NFIC: variants seen among roughly 807,000 people sequenced by gnomAD.
The protein encoded by NFIC is nuclear factor 1 C-type.
NFIC carries 12 observed loss-of-function variants against 54.4 expected under a neutral mutation model. The observed-to-expected ratio is 0.22, with a 90% CI of 0.14 to 0.36. NFIC has a LOEUF of 0.36. Ranked by LOEUF, NFIC falls within the 10% of genes least tolerant of loss-of-function variation. NFIC has a pLI of 1.00. For missense variants in NFIC, 575 were observed against 718.2 expected (o/e 0.80, Z 2.28); for synonymous variants, 322 against 319.2 (o/e 1.01, Z -0.09).
chr19:3,374,397 CCT>C (rs2081071135), intron 1 of NFIC, among the ~76,000 whole-genome samples: 1 of 152,202 alleles, frequency 6.6e-6, no homozygotes, highest in Non-Finnish European at 1.5e-5. Flanking sequence ...GGCAAGCTCC[CCT>C]GTCTCCAGCA....
Position 3,464,106 on chromosome 19 carries a change from A to T in NFIC, c.*1337A>T. 1.0e-6 allele frequency: 1 copy of T among 984,914 alleles called. No homozygotes were observed. The highest frequency in any genetic ancestry group is 1.2e-6 in the Non-Finnish European group (1 of 829,796). The allele number at this position is 984,914 out of a possible 1,614,324, so 61.0% of individuals were successfully genotyped here. On this transcript the variant is annotated 3_prime_UTR_variant, in exon 11 of 11. Transcript: ENST00000443272. ...CACGCCTCCGCTGCCAGTGCCTTAC[A>T]TTCTGGAGCGACCCCCCTCCCTGGT...
chr19:3,381,186 G>A (rs1356625032), intron 1 of NFIC, among the ~76,000 whole-genome samples: 1 of 152,044 alleles, frequency 6.6e-6, no homozygotes, highest in Non-Finnish European at 1.5e-5. Context: ...TCAGAGGTCA[G>A]GAGATCGAGA....
intron 1 of NFIC, among the ~76,000 whole-genome samples, chr19:3,381,367 C>G (rs1216367234): frequency 7.0e-6 from 1 of 142,736 alleles, no homozygotes; most frequent in East Asian, 2.0e-4. Flanking sequence ...TGCACTCCAG[C>G]CTTAGCGTTA....
intron 2 of NFIC, among the ~76,000 whole-genome samples, chr19:3,384,100 G>A (rs1015711689): frequency 1.2e-4 from 18 of 144,546 alleles, no homozygotes; most frequent in African/African-American, 4.6e-4. Flanking sequence ...TGTCACCCAC[G>A]CTGGAGTGCA....
chr19:3,399,071 G>A (rs2081512166), intron 2 of NFIC, among the ~76,000 whole-genome samples: 1 of 152,260 alleles, frequency 6.6e-6, no homozygotes, highest in Admixed American at 6.5e-5. Context: ...GGTGTCACCT[G>A]GTTAAGTCCC....
chr19:3,365,781 C>T (rs1219614242), upstream of NFIC, among the ~76,000 whole-genome samples: 1 of 152,190 alleles, frequency 6.6e-6, no homozygotes, highest in Non-Finnish European at 1.5e-5. Context: ...GAGGCCACCC[C>T]TCCCCTGCCC....
chr19:3,366,687 C>T (rs1326967488), intron 1 of NFIC, 21 bp downstream of exon 1: 1 of 1,384,242 alleles, frequency 7.2e-7, no homozygotes, highest in East Asian at 2.8e-5. Flanking sequence ...CGCCCGGCCC[C>T]CCGCCGGCGC....
chr19:3,396,988 C>T (rs557739228), intron 2 of NFIC, among the ~76,000 whole-genome samples: 1 of 151,964 alleles, frequency 6.6e-6, no homozygotes, highest in South Asian at 2.1e-4. Context: ...CAGTGGCCAT[C>T]ATGATCGGTT....
At chr19:3,455,625 A>G (rs1257828185) in intron 9 of NFIC, among the ~76,000 whole-genome samples, 3 of 144,908 alleles carry the variant, frequency 2.1e-5, no homozygotes, top group South Asian at 2.3e-4. Context: ...TCAGGGCTCG[A>G]TGAGATTATG....
Position 3,458,897 on chromosome 19 carries a change from G to A in NFIC, c.1509+2262G>A, listed in dbSNP as rs2082599312. Reference sequence around the variant, plus strand: ...GAGCATGGGTTAGGGGGAAGGCGAGGTCCCCAAACTGGGCATCCAGGGAGC... The same window carrying A: ...GAGCATGGGTTAGGGGGAAGGCGAGATCCCCAAACTGGGCATCCAGGGAGC... On this transcript the variant is annotated intron_variant, in intron 10 of 10. Transcript: ENST00000443272. The surrounding 1 kb of genome is among the most constrained non-coding windows in gnomAD (Gnocchi z 4.1). Among the ~76,000 whole-genome samples, 1 of 152,086 alleles carries A rather than the reference G, an allele frequency of 6.6e-6. No individual in the cohort carries two copies. The highest frequency in any genetic ancestry group is 6.5e-5 in the Admixed American group (1 of 15,282).
intron 1 of NFIC, among the ~76,000 whole-genome samples, chr19:3,367,236 AG>A (rs1282847698): frequency 2.0e-5 from 3 of 151,558 alleles, no homozygotes; most frequent in Admixed American, 6.6e-5. Context: ...ATGGAGGGGG[AG>A]GGGGCAGGAG....
At chr19:3,461,158 A>G (rs895386672) in intron 10 of NFIC, among the ~76,000 whole-genome samples, 4 of 150,858 alleles carry the variant, frequency 2.7e-5, no homozygotes, top group Non-Finnish European at 5.9e-5. Flanking sequence ...TATAAAGTGA[A>G]CAAGGCAGCT....
intron 2 of NFIC, among the ~76,000 whole-genome samples, chr19:3,395,374 A>G (rs1190919925): frequency 1.3e-5 from 2 of 151,816 alleles, no homozygotes; most frequent in African/African-American, 4.8e-5. Context: ...CCCAGACTGG[A>G]GTTCAGTGGT....
At chr19:3,446,101 T>C (rs139955977) in intron 6 of NFIC, among the ~76,000 whole-genome samples, 3 of 152,162 alleles carry the variant, frequency 2.0e-5, no homozygotes, top group Admixed American at 2.0e-4. Flanking sequence ...TTGGAAAATA[T>C]TGAGTTACGT....
At chr19:3,382,321 A>T in intron 2 of NFIC, 78 bp downstream of exon 2, 1 of 1,540,298 alleles carries the variant, frequency 6.5e-7, no homozygotes, top group Non-Finnish European at 8.7e-7. Flanking sequence ...GGAGGGCCTG[A>T]GGGAGGAGGC....
intron 9 of NFIC, 180 bp downstream of exon 9, chr19:3,454,096 C>G (rs909830706): frequency 2.2e-6 from 3 of 1,359,878 alleles, no homozygotes; most frequent in Non-Finnish European, 1.9e-6. Flanking sequence ...GCTGAGGCAG[C>G]CTTAGGGGCT....
Position 3,453,455 on chromosome 19 carries a change from T to C in NFIC, c.1270-308T>C, listed in dbSNP as rs537466781. Among the ~76,000 whole-genome samples, 12 of 152,272 alleles carry C rather than the reference T, an allele frequency of 7.9e-5. No individual in the cohort carries two copies. The South Asian group carries it at 2.3e-3, about 29-fold the overall frequency. On this transcript the variant is annotated intron_variant, in intron 8 of 10. Transcript: ENST00000443272. The surrounding 1 kb of genome is among the most constrained non-coding windows in gnomAD (Gnocchi z 6.7). Reference sequence around the variant, plus strand: ...AGGAAAAACGCGGAGAACCTGCTGTTAGGAGGCGGTGGCACTGTTTGGAAG... The same window carrying C: ...AGGAAAAACGCGGAGAACCTGCTGTCAGGAGGCGGTGGCACTGTTTGGAAG...
chr19:3,396,998 T>C (rs115100243), intron 2 of NFIC, among the ~76,000 whole-genome samples: 6,179 of 151,984 alleles, frequency 0.041, 432 homozygotes, highest in African/African-American at 0.14. Context: ...CATGATCGGT[T>C]GTGTCATCTA....
chr19:3,386,680 C>T (rs974645071), intron 2 of NFIC, among the ~76,000 whole-genome samples: 6 of 152,158 alleles, frequency 3.9e-5, no homozygotes, highest in African/African-American at 1.2e-4. Flanking sequence ...TTTGACCTGC[C>T]GTGGTCACAC....
Sources: allele counts gnomAD v4.1 joint callset (sites outside exome capture counted in the v4.1 genomes callset), GRCh38; gene constraint gnomAD v4.1.1; non-coding constraint Gnocchi (gnomAD v3.1); transcripts MANE v1.5; gene names NCBI Gene and HGNC (gene_info 2026-07-23, HGNC 2026-07-21).